CPB2: variants seen among roughly 807,000 people sequenced by gnomAD.
The protein encoded by CPB2 is carboxypeptidase B2.
A neutral mutation model predicts 57.0 loss-of-function variants in CPB2; 54 were observed. The observed-to-expected ratio is 0.95, with a 90% CI of 0.76 to 1.19. The LOEUF is 1.19. Ranked by LOEUF, CPB2 falls within the 50% of genes most tolerant of loss-of-function variation. CPB2 has a pLI of 0.00. For missense variants in CPB2, 426 were observed against 512.0 expected (o/e 0.83, Z 1.62); for synonymous variants, 189 against 178.1 (o/e 1.06, Z -0.49).
intron 1 of CPB2, among the ~76,000 whole-genome samples, chr13:46,094,056 T>C (rs765012551): frequency 6.6e-6 from 1 of 152,236 alleles, no homozygotes; most frequent in Non-Finnish European, 1.5e-5. Context: ...CTCCTTTGAC[T>C]GTGAAAAAGC....
chr13:46,067,268 A>G, intron 7 of CPB2, 39 bp downstream of exon 7: 1 of 1,032,090 alleles, frequency 9.7e-7, no homozygotes, highest in Non-Finnish European at 1.5e-6. Context: ...CTATATCCCC[A>G]AGGAGAACAT....
intron 6 of CPB2, among the ~76,000 whole-genome samples, chr13:46,072,786 T>C (rs2044962770): frequency 6.6e-6 from 1 of 152,126 alleles, no homozygotes; most frequent in Admixed American, 6.6e-5. Flanking sequence ...AAAATAAATG[T>C]TCTTACTCTC....
chr13:46,089,936 T>A, intron 1 of CPB2, among the ~76,000 whole-genome samples: 1 of 152,220 alleles, frequency 6.6e-6, no homozygotes, highest in East Asian at 1.9e-4. Context: ...TAACCCTATA[T>A]TGTATTAAGT....
intron 1 of CPB2, chr13:46,094,951 G>T (rs1039804216): frequency 6.6e-6 from 1 of 152,124 alleles, no homozygotes; most frequent in Non-Finnish European, 1.5e-5. Context: ...AATCTAAAAA[G>T]ATCATGACTC....
rs2044728162 is a variant in CPB2, at chr13:46,058,470, T to A, written c.797-89A>T. On this transcript the variant is annotated intron_variant, in intron 8 of 10. Transcript: ENST00000181383. ...CCCAGACAACGTATTCTCCTACCTA[T>A]GTTGCAACACTTTTAGATGAATGGA... 6 of 1,065,358 alleles carry A rather than the reference T, an allele frequency of 5.6e-6. No homozygotes were observed. In the South Asian group the frequency reaches 8.3e-5, roughly 15 times the overall value. 66.0% of individuals were successfully genotyped at this position (1,065,358 alleles called of 1,614,324 possible).
At chr13:46,082,408 ATAG>A in intron 4 of CPB2, 30 bp downstream of exon 4, 2 of 1,252,394 alleles carry the variant, frequency 1.6e-6, no homozygotes. Context: ...TTAAATGAAA[ATAG>A]TAGCTTTGAA....
intron 1 of CPB2, chr13:46,099,997 C>T (rs2045413748): frequency 6.6e-6 from 1 of 151,976 alleles, no homozygotes; most frequent in African/African-American, 2.4e-5. Context: ...TGGACTCCAG[C>T]CTGGGTAAGA....
chr13:46,094,418 C>T (rs1312550544), intron 1 of CPB2, among the ~76,000 whole-genome samples: 1 of 152,156 alleles, frequency 6.6e-6, no homozygotes, highest in Non-Finnish European at 1.5e-5. Flanking sequence ...CCTTTGTTAA[C>T]ATGCCCAGCA....
In CPB2 at chr13:46,105,013, A is replaced by T. The variant is rs1432916052; in HGVS notation, c.-4T>A. ...CTGCAAGGCTGCAAAGCTTCATCCC[A>T]ACAGCAATTTTCTGTACAACAAATT... On this transcript the variant is annotated 5_prime_UTR_variant, in exon 1 of 11. Transcript: ENST00000181383. 1 of 1,613,940 alleles carries T rather than the reference A, an allele frequency of 6.2e-7. No homozygotes were observed. The highest frequency in any genetic ancestry group is 1.3e-5 in the African/African-American group (1 of 75,054).
At position 46,058,657 on chromosome 13, in the gene CPB2, C is replaced by T. The variant is rs139526678; in HGVS notation, c.797-276G>A. ...GCTAAGAGATCCTCAGAGATGCCAG[C>T]CCTGTCTCCAGACTTATGGTTATGG... On this transcript the variant is annotated intron_variant, in intron 8 of 10. Coordinates refer to ENST00000181383, the MANE Select transcript of CPB2 (RefSeq NM_001872.5). 8.7e-3 allele frequency among the ~76,000 whole-genome samples: 1,332 copies of T among 152,308 alleles called. 7 individuals are homozygous for T. The highest frequency in any genetic ancestry group is 0.013 in the Non-Finnish European group (864 of 68,030).
intron 7 of CPB2, 53 bp downstream of exon 7, chr13:46,067,245 CAACCTGTAT>C (rs1211934716): frequency 2.5e-6 from 2 of 795,296 alleles, no homozygotes; most frequent in Non-Finnish European, 4.2e-6. Context: ...ATGAATAATT[CAACCTGTAT>C]ATCCTATATC....
chr13:46,068,532 TG>T (rs2044888655), intron 6 of CPB2, among the ~76,000 whole-genome samples: 1 of 152,204 alleles, frequency 6.6e-6, no homozygotes, highest in East Asian at 1.9e-4. Flanking sequence ...AGCCATGTTT[TG>T]TTTTTTTGTT....
At chr13:46,068,549 G>GT (rs2044889106) in intron 6 of CPB2, among the ~76,000 whole-genome samples, 1 of 152,014 alleles carries the variant, frequency 6.6e-6, no homozygotes, top group African/African-American at 2.4e-5. Flanking sequence ...TTGTTTGTTT[G>GT]TTTTTTATTA....
At chr13:46,088,900 A>C (rs866943141) in intron 1 of CPB2, among the ~76,000 whole-genome samples, 13 of 150,322 alleles carry the variant, frequency 8.6e-5, no homozygotes, top group African/African-American at 3.2e-4. Context: ...TATATTCTAA[A>C]TACTAATTTC....
At chr13:46,084,842 ATTTATTT>A (rs1555310310) in intron 2 of CPB2, among the ~76,000 whole-genome samples, 13 of 149,970 alleles carry the variant, frequency 8.7e-5, no homozygotes, top group African/African-American at 3.2e-4. Context: ...TTATTTATTT[ATTTATTT>A]TTTATTTTTT....
rs2045063540 is a variant in CPB2, at chr13:46,078,851, T to C, written c.435A>G (p.Thr145=). Residue 145 remains threonine (T), a synonymous_variant, in exon 5 of 11, where the codon ACA becomes ACG. Coordinates refer to ENST00000181383, the MANE Select transcript of CPB2 (RefSeq NM_001872.5). ...FITERHPDML[T]KIHIGSSFEK... is the part of the protein sequence containing the mutation. The stretch of plus-strand genomic sequence containing the variant: ...CAAATGAGGATCCAATGTGGATTTT[T>C]GTAAGCATATCAGGATGCCTCTCAG... The C allele has an allele frequency of 1.2e-6, 2 of 1,612,486 alleles. No homozygotes were observed. The highest frequency in any genetic ancestry group is 1.7e-6 in the Non-Finnish European group (2 of 1,178,878).
chr13:46,057,716 C>A (rs943812839), intron 9 of CPB2, among the ~76,000 whole-genome samples: 1 of 152,110 alleles, frequency 6.6e-6, no homozygotes, highest in East Asian at 1.9e-4. Flanking sequence ...TTTAATAGGA[C>A]CAAAACCCTG....
intron 2 of CPB2, among the ~76,000 whole-genome samples, chr13:46,085,117 T>C (rs1349475755): frequency 6.6e-6 from 1 of 152,118 alleles, no homozygotes; most frequent in Non-Finnish European, 1.5e-5. Flanking sequence ...TCCAAAGTGC[T>C]GGGATTACAG....
intron 8 of CPB2, among the ~76,000 whole-genome samples, chr13:46,059,801 CTTAA>C (rs1032846237): frequency 6.6e-6 from 1 of 152,182 alleles, no homozygotes; most frequent in Non-Finnish European, 1.5e-5. Context: ...GCCTGCTTTT[CTTAA>C]TTAAGCTCAT....
Sources: gnomAD v4.1 joint callset for allele counts (sites outside exome capture counted in the v4.1 genomes callset) on GRCh38, gnomAD v4.1.1 for gene constraint, MANE v1.5 for transcripts, NCBI Gene and HGNC (gene_info 2026-07-23, HGNC 2026-07-21) for gene names.